MYO9B: variants seen among roughly 807,000 people sequenced by gnomAD.
The protein encoded by MYO9B is unconventional myosin-IXb.
MYO9B carries 71 observed loss-of-function variants against 229.5 expected under a neutral mutation model. The ratio of observed to expected loss-of-function variants is 0.31; its 90% CI spans 0.26 to 0.38. MYO9B has a LOEUF of 0.38. MYO9B is among the 10% of genes least tolerant of loss of function. The pLI is 1.00. For missense variants in MYO9B, 2,255 were observed against 2,920.5 expected, an observed-to-expected ratio of 0.77 and a Z score of 5.25; for synonymous variants, 1,185 against 1,235.8, an observed-to-expected ratio of 0.96 and a Z score of 0.86.
intron 3 of MYO9B, among the ~76,000 whole-genome samples, chr19:17,148,264 G>C (rs1568273865): frequency 6.6e-6 from 1 of 152,262 alleles, no homozygotes; most frequent in South Asian, 2.1e-4. Context: ...TGGGTGTCCA[G>C]CTGGCTCTGG....
chr19:17,159,277 G>T, intron 7 of MYO9B, 118 bp from the exon 8 acceptor site: 1 of 874,882 alleles, frequency 1.1e-6, no homozygotes, highest in South Asian at 1.5e-5. Context: ...AGGCCTGGCT[G>T]CTGGGGGTCC....
intron 38 of MYO9B, among the ~76,000 whole-genome samples, 159 bp downstream of exon 38, chr19:17,211,007 C>T (rs1487145275): frequency 9.4e-6 from 1 of 106,092 alleles, no homozygotes; most frequent in East Asian, 3.3e-4. Context: ...TTTTTTGAGA[C>T]GGCGTCTCGC....
In MYO9B at chr19:17,159,487, G is replaced by A. The variant is rs1303465355; in HGVS notation, c.1419+3G>A. On this transcript the variant is annotated splice_donor_region_variant and intron_variant, in intron 8 of 39. Coordinates refer to ENST00000682292, the MANE Select transcript of MYO9B (RefSeq NM_004145.4). Reference sequence around the variant, plus strand: ...TCCTTCCCTACAGCCTCAGCGAGGTGAGCTCTGCCCAGGCACTCACAGGGT... The same window carrying A: ...TCCTTCCCTACAGCCTCAGCGAGGTAAGCTCTGCCCAGGCACTCACAGGGT... The A allele has an allele frequency of 6.2e-7, 1 of 1,605,724 alleles. No homozygotes were observed.
intron 6 of MYO9B, among the ~76,000 whole-genome samples, chr19:17,155,595 T>C (rs1252649226): frequency 1.3e-5 from 2 of 151,798 alleles, no homozygotes; most frequent in African/African-American, 2.4e-5. Flanking sequence ...CTGGGTAACA[T>C]AGCAAGACCC....
chr19:17,086,972 T>C (rs796157842), intron 1 of MYO9B, among the ~76,000 whole-genome samples: 4 of 152,194 alleles, frequency 2.6e-5, no homozygotes, highest in African/African-American at 9.6e-5. Context: ...AGCACAGTTA[T>C]GCTGGATTTT....
intron 3 of MYO9B, among the ~76,000 whole-genome samples, chr19:17,146,077 G>T (rs2072405803): frequency 6.6e-6 from 1 of 151,836 alleles, no homozygotes; most frequent in African/African-American, 2.4e-5. Flanking sequence ...ATGCATGGAT[G>T]GCTGAATGGA....
chr19:17,212,629 A>G lies in MYO9B; in HGVS notation c.*319A>G, dbSNP rs2073244725. ...TTGTACGTGGTTTACGTAACTTTAAACTGTAACAGCCTTAATGGAAGACCA... is the reference window on the plus strand; with the variant it reads ...TTGTACGTGGTTTACGTAACTTTAAGCTGTAACAGCCTTAATGGAAGACCA... On this transcript the variant is annotated 3_prime_UTR_variant, in exon 40 of 40. Transcript: ENST00000682292. The surrounding 1 kb of genome is among the most constrained non-coding windows in gnomAD (Gnocchi z 5.4). 2.8e-6 allele frequency: 1 copy of G among 361,614 alleles called. No homozygotes were observed. Among genetic ancestry groups the G allele is most frequent in the East Asian group, 4.6e-5 (1 of 21,640 alleles). 22.4% of individuals were successfully genotyped at this position (361,614 alleles called of 1,614,324 possible).
At chr19:17,081,866 A>G (rs1027394396) in intron 1 of MYO9B, among the ~76,000 whole-genome samples, 2 of 149,686 alleles carry the variant, frequency 1.3e-5, no homozygotes, top group Admixed American at 6.7e-5. Context: ...AGTGGGTCCC[A>G]TGGGATTTTA....
intron 2 of MYO9B, among the ~76,000 whole-genome samples, chr19:17,126,060 G>A (rs182128809): frequency 2.0e-5 from 3 of 152,228 alleles, no homozygotes; most frequent in Admixed American, 6.5e-5. Flanking sequence ...TCTTCCTTGT[G>A]CCTGGCTGGC....
Position 17,156,924 on chromosome 19 carries a change from C to T in MYO9B, c.1215C>T (p.Leu405=). 6.2e-7 allele frequency: 1 copy of T among 1,612,512 alleles called. No individual in the cohort carries two copies. The highest frequency in any genetic ancestry group is 8.5e-7 in the Non-Finnish European group (1 of 1,179,500). Residue 405 remains leucine, a synonymous_variant, in exon 7 of 40, where the codon CTC becomes CTT. Transcript: ENST00000682292. ...PATKKQIFAV[L]SAILYLGNVT... The stretch of plus-strand genomic sequence containing the variant: ...TCTTTCCCAGGATTTTTGCCGTCCT[C>T]TCGGCCATCCTGTACCTGGGCAACG...
At chr19:17,082,685 C>T (rs1046477890) in intron 1 of MYO9B, among the ~76,000 whole-genome samples, 1 of 152,092 alleles carries the variant, frequency 6.6e-6, no homozygotes, top group Non-Finnish European at 1.5e-5. Context: ...TGTCTTGTCA[C>T]GTGGAGATGC....
intron 1 of MYO9B, among the ~76,000 whole-genome samples, chr19:17,083,955 C>T (rs1348572808): frequency 6.6e-6 from 1 of 152,020 alleles, no homozygotes; most frequent in African/African-American, 2.4e-5. Flanking sequence ...CCAGCCCGCA[C>T]ATTTAAATAC....
intron 20 of MYO9B, among the ~76,000 whole-genome samples, chr19:17,192,283 CAA>C (rs35803676): frequency 9.6e-5 from 12 of 124,376 alleles, no homozygotes; most frequent in East Asian, 2.2e-4. Flanking sequence ...GACTCCATCT[CAA>C]AAAAAAAAAA....
rs1002291445 is a variant in MYO9B at position 17,195,606 on chromosome 19, G to A, written c.4046+133G>A. On this transcript the variant is annotated intron_variant, in intron 22 of 39. Coordinates refer to ENST00000682292, the MANE Select transcript of MYO9B (RefSeq NM_004145.4). The surrounding 1 kb of genome is among the most constrained non-coding windows in gnomAD (Gnocchi z 4.5). ...GGTGTGCGGGAGGCCTGAGGGAGGA[G>A]GACGAGCAGGACATGCTAAAGACCA... 5.2e-6 allele frequency: 6 copies of A among 1,155,256 alleles called. No homozygotes were observed. Among genetic ancestry groups the A allele is most frequent in the Non-Finnish European group, 7.3e-6 (6 of 826,966 alleles). The allele number at this position is 1,155,256 out of a possible 1,614,324, so 71.6% of individuals were successfully genotyped here. A position where few individuals can be genotyped will look rare whatever the true frequency, so the allele number is the denominator to read the frequency against.
Position 17,154,170 on chromosome 19 carries a change from C to T in MYO9B, c.1098+104C>T, listed in dbSNP as rs1290470489. ...GAGGCAGCCTGCCCTGGCCCCCGAA[C>T]CCGCTCCCAGAAGGCAGCATTAAAA... On this transcript the variant is annotated intron_variant, in intron 5 of 39. Coordinates refer to ENST00000682292, the MANE Select transcript of MYO9B (RefSeq NM_004145.4). 2.2e-6 allele frequency: 3 copies of T among 1,340,700 alleles called. No homozygotes were observed. The Admixed American group carries it at 5.2e-5, about 23-fold the overall frequency. 83.1% of individuals were successfully genotyped at this position (1,340,700 alleles called of 1,614,324 possible).
Position 17,211,765 on chromosome 19 carries a change from G to A in MYO9B, c.6049G>A (p.Ala2017Thr), listed in dbSNP as rs201582899. The change falls in exon 39 of 40, where the codon GCC becomes ACC. Residue 2017 changes from alanine (A) to threonine (T), a missense_variant. By Grantham distance (58) the Ala-to-Thr change is moderately conservative. This residue lies in a region of MYO9B where 331 missense variants were observed against 332.5 expected (regional missense o/e 1.00). Transcript: ENST00000682292. ...SLLEERAGRG[A>T]SEGPPAPALP... ...GCTGGAGGAGCGGGCCGGGCGGGGG[G>A]CCTCGGAAGGTCAGTATTAAGGTAG... is the stretch of plus-strand genomic sequence containing the variant. The A allele has an allele frequency of 4.8e-5, 78 of 1,612,840 alleles. No homozygotes were observed. Among genetic ancestry groups the A allele is most frequent in the Non-Finnish European group, 6.3e-5 (74 of 1,179,720 alleles).
chr19:17,167,909 T>C, intron 10 of MYO9B, 34 bp from the exon 11 acceptor site: 1 of 1,551,110 alleles, frequency 6.4e-7, no homozygotes, highest in Non-Finnish European at 8.7e-7. Flanking sequence ...ATCTGGGAGA[T>C]AAGAAACTTA....
chr19:17,142,405 A>G (rs1479034694), intron 2 of MYO9B, among the ~76,000 whole-genome samples: 2 of 152,170 alleles, frequency 1.3e-5, no homozygotes, highest in Non-Finnish European at 2.9e-5. Context: ...AACATTGTGA[A>G]TGTACTGAAT....
rs993776837 is a variant in MYO9B at position 17,195,799 on chromosome 19, A to G, written c.4046+326A>G. On this transcript the variant is annotated intron_variant, in intron 22 of 39. Transcript: ENST00000682292. This position sits in a 1 kb window ranked among gnomAD's most constrained non-coding sequence, Gnocchi z 4.5. ...TTGGGCCTTGGTTTCTAATTGGTGA[A>G]CAGGACTAACTGCACTCCTCGGGGT... Among the ~76,000 whole-genome samples the G allele has an allele frequency of 2.0e-5, 3 of 152,092 alleles. No individual in the cohort carries two copies. The highest frequency in any genetic ancestry group is 4.4e-5 in the Non-Finnish European group (3 of 68,008).
Sources: gnomAD v4.1 joint callset for allele counts (sites outside exome capture counted in the v4.1 genomes callset) on GRCh38, gnomAD v4.1.1 for gene constraint, gnomAD v4.1.1 regional missense constraint, Gnocchi (gnomAD v3.1) non-coding constraint, MANE v1.5 for transcripts, NCBI Gene and HGNC (gene_info 2026-07-23, HGNC 2026-07-21) for gene names.